ITGB6: variants seen among roughly 807,000 people sequenced by gnomAD.
The protein encoded by ITGB6 is integrin subunit beta 6, also known as integrin beta-6.
In ITGB6, 80 loss-of-function variants were observed where a neutral mutation model predicts 84.5. The observed-to-expected ratio is 0.95, with a 90% confidence interval of 0.79 to 1.14. The LOEUF (loss-of-function observed/expected upper bound fraction) is 1.14. Ranked by LOEUF, ITGB6 falls within the 50% of genes most tolerant of loss-of-function variation. ITGB6 has a pLI of 0.00. For missense variants in ITGB6, 1,006 were observed against 968.0 expected, an observed-to-expected ratio of 1.04 and a Z score of -0.52; for synonymous variants, 383 against 354.9, an observed-to-expected ratio of 1.08 and a Z score of -0.89.
intron 7 of ITGB6, among the ~76,000 whole-genome samples, chr2:160,164,273 T>C (rs989551406): frequency 6.6e-6 from 1 of 152,254 alleles, no homozygotes; most frequent in Admixed American, 6.5e-5. Context: ...GTACTCATGA[T>C]ATGTTTGAGA....
At position 160,196,357 on chromosome 2, in the gene ITGB6, C is replaced by T; in HGVS notation, c.205G>A (p.Gly69Arg). The change falls in exon 3 of 15, where the codon GGA becomes AGA. Residue 69 changes from glycine (G) to arginine (R), a missense_variant. Coordinates refer to ENST00000283249, the MANE Select transcript of ITGB6 (RefSeq NM_000888.5). ...CDTPANLLAKGCQLNFIENPV... is the reference protein window; with the variant it reads ...CDTPANLLAKRCQLNFIENPV... ...TTTTCGATGAAGTTTAATTGACATC[C>T]TTTAGCTAAAAGGTTTGCTGGGGTA... 6.2e-7 allele frequency: 1 copy of T among 1,614,004 alleles called. No homozygotes were observed. Among genetic ancestry groups the T allele is most frequent in the Non-Finnish European group, 8.5e-7 (1 of 1,179,960 alleles).
At chr2:160,169,365 G>A in intron 6 of ITGB6, 58 bp from the exon 7 acceptor site, 1 of 1,007,868 alleles carries the variant, frequency 9.9e-7, no homozygotes, top group Non-Finnish European at 1.5e-6. Context: ...AATAAAGAAA[G>A]GAATATTTAT....
At chr2:160,139,870 C>A (rs1248005781) in intron 8 of ITGB6, among the ~76,000 whole-genome samples, 1 of 151,982 alleles carries the variant, frequency 6.6e-6, no homozygotes, top group Non-Finnish European at 1.5e-5. Context: ...ATTATACGAT[C>A]GGGGAAGAAA....
intron 10 of ITGB6, among the ~76,000 whole-genome samples, chr2:160,136,756 A>T (rs1269814512): frequency 2.6e-5 from 4 of 152,198 alleles, no homozygotes; most frequent in South Asian, 2.1e-4. Context: ...TTGTAGGGAC[A>T]TGGATGAAGC....
Position 160,138,087 on chromosome 2 carries a change from G to A in ITGB6, c.1220C>T (p.Ser407Phe), listed in dbSNP as rs147811874. 6.2e-7 allele frequency: 1 copy of A among 1,613,312 alleles called. No individual in the cohort carries two copies. Among genetic ancestry groups the A allele is most frequent in the African/African-American group, 1.3e-5 (1 of 74,878 alleles). The part of the protein sequence containing the change: ...GTLFQHQKKC[S>F]HMKVGDTASF... Reference sequence around the variant, plus strand: ...TACTGTGTCTCCCACTTTCATGTGAGAGCATTTCTTTTGGTGTTGGAAGAG... The same window carrying A: ...TACTGTGTCTCCCACTTTCATGTGAAAGCATTTCTTTTGGTGTTGGAAGAG... Residue 407 changes from serine (S) to phenylalanine (F), a missense_variant, in exon 9 of 15, where the codon TCT becomes TTT. Physicochemically the swap from Ser to Phe is radical, Grantham distance 155. Coordinates refer to ENST00000283249, the MANE Select transcript of ITGB6 (RefSeq NM_000888.5).
chr2:160,136,314 T>G lies in ITGB6; in HGVS notation c.1660+1120A>C, dbSNP rs1007851970. On this transcript the variant is annotated intron_variant, in intron 10 of 14. Transcript: ENST00000283249. ...CACATGAAAAAATGCTCATCATCAC[T>G]GGCCATCAGAGAAATGCAAATCAAA... Among the ~76,000 whole-genome samples the G allele has an allele frequency of 7.2e-5, 11 of 152,332 alleles. 1 individual carries two copies. In the South Asian group the frequency reaches 8.3e-4, roughly 11 times the overall value.
intron 4 of ITGB6, among the ~76,000 whole-genome samples, chr2:160,178,409 T>C (rs1348263790): frequency 6.6e-6 from 1 of 152,240 alleles, no homozygotes; most frequent in Non-Finnish European, 1.5e-5. Flanking sequence ...CATTTGAGCA[T>C]CTTCCAGATC....
In ITGB6 at chr2:160,195,594, A is replaced by G; in HGVS notation, c.368T>C (p.Val123Ala). 4 of 1,614,076 alleles carry G rather than the reference A, an allele frequency of 2.5e-6. No homozygotes were observed. The highest frequency in any genetic ancestry group is 3.4e-6 in the Non-Finnish European group (4 of 1,180,002). The change falls in exon 4 of 15, where the codon GTG becomes GCG. Residue 123 changes from valine (V) to alanine (A), a missense_variant. By Grantham distance (64) the Val-to-Ala change is moderately conservative. Coordinates refer to ENST00000283249, the MANE Select transcript of ITGB6 (RefSeq NM_000888.5). ...LRPGGAQTLQVHVRQTEDYPV... is the reference protein window; with the variant it reads ...LRPGGAQTLQAHVRQTEDYPV... ...GTAGTCCTCAGTCTGGCGGACATGC[A>G]CCTGCAGAGTCTGCGCACCACCTGC... is the stretch of plus-strand genomic sequence containing the variant.
intron 4 of ITGB6, 28 bp downstream of exon 4, chr2:160,195,341 A>G: frequency 6.2e-7 from 1 of 1,613,172 alleles, no homozygotes; most frequent in Non-Finnish European, 8.5e-7. Flanking sequence ...ATCAGCGCAC[A>G]AAGATGCCAA....
At chr2:160,130,328 A>C (rs370514743) in intron 10 of ITGB6, among the ~76,000 whole-genome samples, 70 of 152,180 alleles carry the variant, frequency 4.6e-4, no homozygotes, top group East Asian at 1.5e-3. Flanking sequence ...TTCTCTCTCT[A>C]TATATATTCT....
rs181225263 is a variant in ITGB6, at chr2:160,171,344, T to A, written c.921+1225A>T. Among the ~76,000 whole-genome samples the A allele has an allele frequency of 5.6e-4, 83 of 149,266 alleles. 3 individuals carry two copies. The highest frequency in any genetic ancestry group is 3.4e-3 in the Middle Eastern group (1 of 294). Reference sequence around the variant, plus strand: ...AATCAAATTTATTTTTTTATTTTTTTTTTTTTTGGAGACGGAGTCTCGCTC... The same window carrying A: ...AATCAAATTTATTTTTTTATTTTTTATTTTTTTGGAGACGGAGTCTCGCTC... On this transcript the variant is annotated intron_variant, in intron 6 of 14. Transcript: ENST00000283249.
At chr2:160,107,561 G>A in intron 14 of ITGB6, 118 bp downstream of exon 14, 1 of 893,682 alleles carries the variant, frequency 1.1e-6, no homozygotes, top group South Asian at 1.6e-5. Context: ...CATGGCGAGA[G>A]TGGGAGAGAA....
In ITGB6 at chr2:160,199,175, T is replaced by C. The variant is rs951828388; in HGVS notation, c.141+4A>G. 7 of 1,612,558 alleles carry C rather than the reference T, an allele frequency of 4.3e-6. No homozygotes were observed. Among genetic ancestry groups the C allele is most frequent in the Non-Finnish European group, 5.9e-6 (7 of 1,178,588 alleles). Reference sequence around the variant, plus strand: ...TAAAAACACATTGAGGTCATTTATTTTACCTCCTGAGCACACCAGGCACAC... The same window carrying C: ...TAAAAACACATTGAGGTCATTTATTCTACCTCCTGAGCACACCAGGCACAC... On this transcript the variant is annotated splice_donor_region_variant and intron_variant, in intron 2 of 14. Coordinates refer to ENST00000283249, the MANE Select transcript of ITGB6 (RefSeq NM_000888.5).
intron 7 of ITGB6, among the ~76,000 whole-genome samples, chr2:160,163,973 C>G (rs1559178983): frequency 6.6e-6 from 1 of 152,156 alleles, no homozygotes; most frequent in Non-Finnish European, 1.5e-5. Flanking sequence ...GGGCTTGGTC[C>G]AACACCATGA....
chr2:160,185,829 C>T (rs879600332), intron 4 of ITGB6, among the ~76,000 whole-genome samples: 22 of 152,132 alleles, frequency 1.4e-4, no homozygotes, highest in Admixed American at 5.9e-4. Flanking sequence ...ACATCTACAA[C>T]CATCTGATCT....
At chr2:160,133,332 A>G (rs1438489183) in intron 10 of ITGB6, among the ~76,000 whole-genome samples, 2 of 152,218 alleles carry the variant, frequency 1.3e-5, no homozygotes, top group Non-Finnish European at 2.9e-5. Context: ...ATAATGGTAA[A>G]GGGATCAATT....
At chr2:160,114,950 G>A (rs976978474) in intron 12 of ITGB6, among the ~76,000 whole-genome samples, 2 of 152,236 alleles carry the variant, frequency 1.3e-5, no homozygotes, top group Admixed American at 6.5e-5. Flanking sequence ...GCTGGGGGAG[G>A]GGCACCTGCC....
rs566179460 is a variant in ITGB6, at chr2:160,148,829, C to T, written c.1018-6758G>A. Among the ~76,000 whole-genome samples the T allele has an allele frequency of 2.0e-5, 3 of 152,354 alleles. No homozygotes were observed. The South Asian group carries it at 6.2e-4, about 32-fold the overall frequency. On this transcript the variant is annotated intron_variant, in intron 7 of 14. Transcript: ENST00000283249. ...CCTGGCTAAGTGGCTCCCACACCCA[C>T]GGAGCCTTGCTCACTGCTAATGCAG...
chr2:160,124,570 TA>T (rs1307775019), intron 11 of ITGB6, among the ~76,000 whole-genome samples: 20 of 152,230 alleles, frequency 1.3e-4, no homozygotes, highest in African/African-American at 4.6e-4. Context: ...AAGTAAAATT[TA>T]GACCCTGAAT....
Sources: gnomAD v4.1 joint callset for allele counts (sites outside exome capture counted in the v4.1 genomes callset) on GRCh38, gnomAD v4.1.1 for gene constraint, MANE v1.5 for transcripts, NCBI Gene and HGNC (gene_info 2026-07-23, HGNC 2026-07-21) for gene names.